SYT11: variants seen among roughly 807,000 people sequenced by gnomAD.
The protein encoded by SYT11 is synaptotagmin 11.
SYT11 carries 12 observed loss-of-function variants against 30.4 expected under a neutral mutation model. The ratio of observed to expected loss-of-function variants is 0.39; its 90% CI spans 0.25 to 0.64. SYT11 has a LOEUF of 0.64. Ranked by LOEUF, SYT11 falls within the 30% of genes least tolerant of loss-of-function variation. The pLI, the probability that SYT11 is intolerant of heterozygous loss-of-function variation, is 0.45. For missense variants in SYT11, 412 were observed against 552.0 expected (o/e 0.75, Z 2.54); for synonymous variants, 204 against 216.0 (o/e 0.94, Z 0.49).
At chr1:155,876,651 C>G (rs1446104503) in intron 2 of SYT11, among the ~76,000 whole-genome samples, 1 of 152,130 alleles carries the variant, frequency 6.6e-6, no homozygotes, top group African/African-American at 2.4e-5. Context: ...CTACGCTTCA[C>G]AGCCAATTAA....
chr1:155,878,738 G>T (rs1340835877), intron 2 of SYT11, among the ~76,000 whole-genome samples: 5 of 151,894 alleles, frequency 3.3e-5, no homozygotes, highest in Admixed American at 3.3e-4. Flanking sequence ...GTGGTGGCGG[G>T]CGCCTGTAGT....
chr1:155,863,293 A>AT (rs567758837), intron 1 of SYT11, among the ~76,000 whole-genome samples: 55 of 151,854 alleles, frequency 3.6e-4, no homozygotes, highest in African/African-American at 1.2e-3. Flanking sequence ...TCTAAAAAAA[A>AT]TTTTTTTTAA....
In SYT11 at chr1:155,868,879, T is replaced by TG; in HGVS notation, c.861+91dup. ...AAATGGAAGTGGGAGGGGAGTGGGT[T>TG]GGGTGGCAAAGAAGGGCTGTAGAGA... On this transcript the variant is annotated intron_variant, in intron 2 of 3. Transcript: ENST00000368324. The surrounding 1 kb of genome is among the most constrained non-coding windows in gnomAD (Gnocchi z 4.7). 7.6e-7 allele frequency: 1 copy of TG among 1,317,826 alleles called. No homozygotes were observed. Among genetic ancestry groups the TG allele is most frequent in the Non-Finnish European group, 1.0e-6 (1 of 962,070 alleles). 81.6% of individuals were successfully genotyped at this position (1,317,826 alleles called of 1,614,324 possible).
chr1:155,873,536 A>G (rs968391718), intron 2 of SYT11, among the ~76,000 whole-genome samples: 1 of 152,384 alleles, frequency 6.6e-6, no homozygotes, highest in Admixed American at 6.5e-5. Flanking sequence ...CTCAGTATTG[A>G]AGGATGGCCC....
At chr1:155,870,860 A>C (rs911443974) in intron 2 of SYT11, among the ~76,000 whole-genome samples, 3 of 145,840 alleles carry the variant, frequency 2.1e-5, no homozygotes, top group African/African-American at 4.9e-5. Context: ...AGGAACTGCT[A>C]CTGCCACCTG....
Position 155,884,485 on chromosome 1 carries a change from T to G in SYT11, c.*2977T>G, listed in dbSNP as rs1454217796. 6.5e-6 allele frequency: 1 copy of G among 152,924 alleles called. No homozygotes were observed. The highest frequency in any genetic ancestry group is 2.4e-5 in the African/African-American group (1 of 41,478). 9.5% of individuals were successfully genotyped at this position (152,924 alleles called of 1,614,324 possible). The stretch of plus-strand genomic sequence containing the variant: ...ACCTCAGGCCTGATCCATCGTGCCC[T>G]TGACTTTGCCGTCTCAAAGTTTCTT... On this transcript the variant is annotated 3_prime_UTR_variant, in exon 4 of 4. Coordinates refer to ENST00000368324, the MANE Select transcript of SYT11 (RefSeq NM_152280.5).
chr1:155,869,142 A>G (rs1672740772), intron 2 of SYT11, among the ~76,000 whole-genome samples: 2 of 151,874 alleles, frequency 1.3e-5, no homozygotes, highest in Admixed American at 6.6e-5. Flanking sequence ...AAATGATGTG[A>G]TCTTCCTCCA....
Position 155,868,477 on chromosome 1 carries a change from G to A in SYT11, c.547G>A (p.Gly183Arg), listed in dbSNP as rs748919583. ...GGTGGTGACAATCCAGGAGGCCCAT[G>A]GGCTGCCAGTGATGGATGACCAGAC... is the stretch of plus-strand genomic sequence containing the variant. ...ALVVTIQEAHGLPVMDDQTQG... is the reference protein window; with the variant it reads ...ALVVTIQEAHRLPVMDDQTQG... The change falls in exon 2 of 4, where the codon GGG becomes AGG. Residue 183 changes from glycine to arginine, a missense_variant. Physicochemically the swap from Gly to Arg is moderately radical, Grantham distance 125 (BLOSUM62 -2). Coordinates refer to ENST00000368324, the MANE Select transcript of SYT11 (RefSeq NM_152280.5). The surrounding 1 kb of genome is among the most constrained non-coding windows in gnomAD (Gnocchi z 4.7). 1.2e-5 allele frequency: 20 copies of A among 1,613,924 alleles called. No homozygotes were observed. The highest frequency in any genetic ancestry group is 8.0e-5 in the African/African-American group (6 of 74,892).
chr1:155,876,979 T>C (rs1393107889), intron 2 of SYT11, among the ~76,000 whole-genome samples: 2 of 149,850 alleles, frequency 1.3e-5, no homozygotes, highest in African/African-American at 2.5e-5. Context: ...TTTTTTTTTT[T>C]TTCCTGAGAC....
intron 1 of SYT11, among the ~76,000 whole-genome samples, chr1:155,863,342 A>G (rs142443525): frequency 9.2e-5 from 14 of 152,212 alleles, no homozygotes; most frequent in African/African-American, 2.6e-4. Flanking sequence ...AGTCCCAGCT[A>G]TTCAGGAGTC....
At chr1:155,865,298 A>G (rs1394188464) in intron 1 of SYT11, among the ~76,000 whole-genome samples, 1 of 152,202 alleles carries the variant, frequency 6.6e-6, no homozygotes, top group Non-Finnish European at 1.5e-5. Context: ...GGGGCTCACG[A>G]TAAGTGAAGC....
chr1:155,879,307 C>A (rs766413693), intron 2 of SYT11, among the ~76,000 whole-genome samples: 1 of 151,996 alleles, frequency 6.6e-6, no homozygotes. Context: ...ATCCCAGCTA[C>A]TCTGGAGGCT....
At position 155,872,659 on chromosome 1, in the gene SYT11, CAG is replaced by C. The variant is rs1379131352; in HGVS notation, c.861+3871_861+3872del. On this transcript the variant is annotated intron_variant, in intron 2 of 3. Transcript: ENST00000368324. ...CTCACTAGGCCAAGGGGCTGGGAAA[CAG>C]AGCTTGCTCACAGCCTTCAATGGCT... Among the ~76,000 whole-genome samples, 5 of 152,220 alleles carry C rather than the reference CAG, an allele frequency of 3.3e-5. No homozygotes were observed. In the East Asian group the frequency reaches 9.7e-4, roughly 29 times the overall value.
Position 155,868,376 on chromosome 1 carries a change from C to T in SYT11, c.446C>T (p.Pro149Leu), listed in dbSNP as rs776735917. 2.5e-6 allele frequency: 4 copies of T among 1,613,894 alleles called. No individual in the cohort carries two copies. In the Admixed American group the frequency reaches 5.0e-5, roughly 20 times the overall value. The change falls in exon 2 of 4, where the codon CCA becomes CTA. Residue 149 changes from proline (P) to leucine (L), a missense_variant. Pro to Leu is a moderately conservative substitution (Grantham distance 98). Transcript: ENST00000368324. The surrounding 1 kb of genome is among the most constrained non-coding windows in gnomAD (Gnocchi z 4.7). ...CCTGGGGAGAGCAAAACCACCTCTC[C>T]ATCATCTCCAGAGGAGGATGTCATG... is the stretch of plus-strand genomic sequence containing the variant. Reference protein sequence around the residue: ...LTPGESKTTSPSSPEEDVMLG... With the variant: ...LTPGESKTTSLSSPEEDVMLG...
chr1:155,884,555 T>C lies in SYT11; in HGVS notation c.*3047T>C, dbSNP rs1398088493. 6.5e-6 allele frequency: 1 copy of C among 152,762 alleles called. No homozygotes were observed. Among genetic ancestry groups the C allele is most frequent in the African/African-American group, 2.4e-5 (1 of 41,438 alleles). 9.5% of individuals were successfully genotyped at this position (152,762 alleles called of 1,614,324 possible). The stretch of plus-strand genomic sequence containing the variant: ...ATTTGTTCTTTCCAGAGCTAACTGA[T>C]AAGAGTGGAGGAGGAATGCCTTCTC... On this transcript the variant is annotated 3_prime_UTR_variant, in exon 4 of 4. Coordinates refer to ENST00000368324, the MANE Select transcript of SYT11 (RefSeq NM_152280.5).
chr1:155,864,404 A>T (rs181145070), intron 1 of SYT11, among the ~76,000 whole-genome samples: 3 of 152,334 alleles, frequency 2.0e-5, no homozygotes, highest in Admixed American at 1.3e-4. Context: ...CTCTCATGTA[A>T]TCTGGACATT....
intron 1 of SYT11, among the ~76,000 whole-genome samples, chr1:155,865,663 G>A (rs1672660949): frequency 1.3e-5 from 2 of 151,182 alleles, no homozygotes; most frequent in Non-Finnish European, 1.5e-5. Context: ...AGAAAGAATC[G>A]GGGAAATGCT....
Position 155,876,235 on chromosome 1 carries a change from C to CTTTTTTTTTTTTT in SYT11, c.862-4254_862-4242dup, listed in dbSNP as rs67952920. Among the ~76,000 whole-genome samples the CTTTTTTTTTTTTT allele has an allele frequency of 9.4e-5, 9 of 96,118 alleles. 1 individual carries two copies. Among genetic ancestry groups the CTTTTTTTTTTTTT allele is most frequent in the Non-Finnish European group, 9.3e-5 (5 of 53,880 alleles). The allele number at this position is 96,118 out of a possible 152,430, so 63.1% of individuals were successfully genotyped here. A position where few individuals can be genotyped will look rare whatever the true frequency, so the allele number is the denominator to read the frequency against. ...TCTACATTCCTCAAAACTCACCTCC[C>CTTTTTTTTTTTTT]TTTTTTTTTTTTTTTTTTTTTTTCT... is the stretch of plus-strand genomic sequence containing the variant. On this transcript the variant is annotated intron_variant, in intron 2 of 3. Coordinates refer to ENST00000368324, the MANE Select transcript of SYT11 (RefSeq NM_152280.5).
At chr1:155,872,908 TG>T (rs1308573094) in intron 2 of SYT11, among the ~76,000 whole-genome samples, 2 of 152,032 alleles carry the variant, frequency 1.3e-5, no homozygotes, top group Non-Finnish European at 2.9e-5. Context: ...AGGGATCAGA[TG>T]GAGGACAGTT....
Sources: allele counts gnomAD v4.1 joint callset (sites outside exome capture counted in the v4.1 genomes callset), GRCh38; gene constraint gnomAD v4.1.1; non-coding constraint Gnocchi (gnomAD v3.1); transcripts MANE v1.5; gene names NCBI Gene and HGNC (gene_info 2026-07-23, HGNC 2026-07-21).